The following TRIM37 variants were observed in gnomAD, a reference collection of about 807,000 sequenced individuals.
TRIM37 encodes the protein E3 ubiquitin-protein ligase TRIM37.
TRIM37 carries 80 observed loss-of-function variants against 129.8 expected under a neutral mutation model. That is an observed-to-expected ratio of 0.62 (90% CI 0.51 to 0.74). The LOEUF (loss-of-function observed/expected upper bound fraction) is 0.74, where lower values mean the gene tolerates loss of function less well. TRIM37 is among the 30% of genes least tolerant of loss of function. TRIM37 has a pLI of 0.00. For missense variants in TRIM37, 1,054 were observed against 1,176.5 expected, an observed-to-expected ratio of 0.90 and a Z score of 1.52; for synonymous variants, 389 against 387.1, an observed-to-expected ratio of 1.00 and a Z score of -0.06.
chr17:59,044,288 T>C (rs1433241076), intron 16 of TRIM37, among the ~76,000 whole-genome samples: 1 of 151,366 alleles, frequency 6.6e-6, no homozygotes, highest in Admixed American at 6.6e-5. Context: ...CCAGCTTGGG[T>C]GACAGGGCAA....
downstream of TRIM37, chr17:58,982,092 T>C (rs925743048): frequency 1.3e-4 from 20 of 152,656 alleles, no homozygotes; most frequent in African/African-American, 4.8e-4. Context: ...GAAAGTATTG[T>C]CTAAAGTGAG....
chr17:59,039,810 A>T (rs1248744904), intron 17 of TRIM37, among the ~76,000 whole-genome samples: 2 of 152,240 alleles, frequency 1.3e-5, no homozygotes, highest in African/African-American at 4.8e-5. Context: ...GTGCCATGTT[A>T]ACAAGTTTGG....
intron 7 of TRIM37, among the ~76,000 whole-genome samples, chr17:59,076,576 A>G (rs1015782022): frequency 6.6e-6 from 1 of 152,186 alleles, no homozygotes; most frequent in African/African-American, 2.4e-5. Context: ...AAAAATTATA[A>G]TTACAGAAAT....
chr17:59,057,186 T>C, intron 12 of TRIM37, 132 bp from the exon 13 acceptor site: 1 of 769,834 alleles, frequency 1.3e-6, no homozygotes, highest in East Asian at 2.7e-5. Flanking sequence ...TACATTTCTT[T>C]TATCATTTAT....
chr17:59,046,182 T>C (rs766961538), intron 16 of TRIM37, among the ~76,000 whole-genome samples: 1 of 152,054 alleles, frequency 6.6e-6, no homozygotes, highest in Admixed American at 6.6e-5. Flanking sequence ...GCAACACTCA[T>C]CAAAGGGTGT....
intron 14 of TRIM37, among the ~76,000 whole-genome samples, chr17:59,050,890 G>C (rs538762336): frequency 6.6e-6 from 1 of 152,208 alleles, no homozygotes; most frequent in African/African-American, 2.4e-5. Flanking sequence ...TGAGGCAGGA[G>C]AATGGCGTGA....
downstream of TRIM37, among the ~76,000 whole-genome samples, chr17:58,994,775 T>C (rs1239918518): frequency 6.6e-6 from 1 of 151,272 alleles, no homozygotes; most frequent in Non-Finnish European, 1.5e-5. Context: ...TGAGACAGAG[T>C]TTCGCTCTTG....
At chr17:59,047,296 T>C (rs2039921475) in intron 16 of TRIM37, among the ~76,000 whole-genome samples, 1 of 152,218 alleles carries the variant, frequency 6.6e-6, no homozygotes, top group African/African-American at 2.4e-5. Context: ...AATTTCCAGA[T>C]TTTGATAACT....
At chr17:59,064,494 A>G (rs2041772007) in intron 9 of TRIM37, 89 bp from the exon 10 acceptor site, 1 of 872,948 alleles carries the variant, frequency 1.1e-6, no homozygotes, top group East Asian at 2.7e-5. Flanking sequence ...CTAGTATCTT[A>G]AAAACTTTAT....
intron 22 of TRIM37, among the ~76,000 whole-genome samples, chr17:59,006,687 G>C (rs998185041): frequency 1.3e-5 from 2 of 152,058 alleles, no homozygotes; most frequent in Non-Finnish European, 2.9e-5. Context: ...TCAGGAGTTC[G>C]AGACCAGCCT....
Position 59,015,636 on chromosome 17 carries a change from C to G in TRIM37, c.2550G>C (p.Glu850Asp). Residue 850 changes from glutamate to aspartate, a missense_variant, in exon 21 of 24, where the codon GAG (glutamate) becomes GAC (aspartate). By Grantham distance (45) the Glu-to-Asp change is conservative. Around this residue, in one of 3 missense-constraint regions of TRIM37, gnomAD observed 287 missense variants for 274.3 expected, o/e 1.05. Transcript: ENST00000262294. ...CCAAGGTGACCATTTTCCTCCTTTT[C>G]TCAACCGCAGGCAAGCCACTGAAAA... is the stretch of plus-strand genomic sequence containing the variant. Reference protein sequence around the residue: ...VAVFSGLPAVEKRRKMVTLGA... With the variant: ...VAVFSGLPAVDKRRKMVTLGA... 1 of 1,614,052 alleles carries G rather than the reference C, an allele frequency of 6.2e-7. No homozygotes were observed. The highest frequency in any genetic ancestry group is 8.5e-7 in the Non-Finnish European group (1 of 1,180,014).
chr17:59,085,865 A>C (rs1012775512), intron 4 of TRIM37, among the ~76,000 whole-genome samples: 2 of 152,186 alleles, frequency 1.3e-5, no homozygotes, highest in Non-Finnish European at 2.9e-5. Context: ...TAACCCTTAA[A>C]AAGGTGGGAA....
downstream of TRIM37, among the ~76,000 whole-genome samples, chr17:58,993,443 G>A (rs2144199172): frequency 6.6e-6 from 1 of 152,280 alleles, no homozygotes; most frequent in African/African-American, 2.4e-5. Context: ...TCCACACAGT[G>A]GACTACTACT....
At chr17:59,024,043 G>A (rs560057431) in intron 19 of TRIM37, among the ~76,000 whole-genome samples, 5 of 151,604 alleles carry the variant, frequency 3.3e-5, no homozygotes, top group South Asian at 2.1e-4. Flanking sequence ...ATGAAACCCC[G>A]TCTCTACTAA....
At chr17:59,071,036 AT>A in intron 8 of TRIM37, 89 bp from the exon 9 acceptor site, 1 of 1,446,858 alleles carries the variant, frequency 6.9e-7, no homozygotes, top group Non-Finnish European at 9.5e-7. Context: ...TATTCTGATT[AT>A]AAACTGAAAA....
downstream of TRIM37, among the ~76,000 whole-genome samples, chr17:58,995,958 A>G (rs1598776235): frequency 6.6e-6 from 1 of 152,092 alleles, no homozygotes; most frequent in Admixed American, 6.6e-5. Context: ...ATGAGCCAAC[A>G]TCGCACCACT....
intron 2 of TRIM37, among the ~76,000 whole-genome samples, chr17:59,096,621 C>T (rs936333492): frequency 6.7e-5 from 10 of 149,118 alleles, no homozygotes; most frequent in Non-Finnish European, 1.5e-4. Flanking sequence ...ACATTAATTA[C>T]AGCAATTATT....
rs894517865 is a variant in TRIM37 at position 59,001,815 on chromosome 17, T to C, written c.2696-101A>G. ...GCTAAACTGAGATTCCTATTGAATT[T>C]TACATGGAATGCCAAGAATTCAACA... On this transcript the variant is annotated intron_variant, in intron 22 of 23. Transcript: ENST00000262294. 3.4e-6 allele frequency: 5 copies of C among 1,491,714 alleles called. No individual in the cohort carries two copies. The African/African-American group carries it at 6.9e-5, about 21-fold the overall frequency. 92.4% of individuals were successfully genotyped at this position (1,491,714 alleles called of 1,614,324 possible).
Position 59,032,680 on chromosome 17 carries a change from C to T in TRIM37, c.1754-590G>A, listed in dbSNP as rs138425914. On this transcript the variant is annotated intron_variant, in intron 17 of 23. Transcript: ENST00000262294. Reference sequence around the variant, plus strand: ...AGAAAAAAACAGATGACAATGTGTACGATGTGCACAATTGGGGGGATGAGA... The same window carrying T: ...AGAAAAAAACAGATGACAATGTGTATGATGTGCACAATTGGGGGGATGAGA... 3.2e-4 allele frequency among the ~76,000 whole-genome samples: 48 copies of T among 151,960 alleles called. 1 individual carries two copies. Among genetic ancestry groups the T allele is most frequent in the Admixed American group, 1.2e-3 (18 of 15,258 alleles).
Sources: allele counts gnomAD v4.1 joint callset (sites outside exome capture counted in the v4.1 genomes callset), GRCh38; gene constraint gnomAD v4.1.1; regional missense constraint gnomAD v4.1.1; transcripts MANE v1.5; gene names NCBI Gene and HGNC (gene_info 2026-07-23, HGNC 2026-07-21).